Variants in KCNAB1 observed in about 807,000 individuals in gnomAD.
The protein encoded by KCNAB1 is potassium voltage-gated channel subfamily A regulatory beta subunit 1.
KCNAB1 carries 35 observed loss-of-function variants against 64.6 expected under a neutral mutation model. The ratio of observed to expected loss-of-function variants is 0.54; its 90% CI spans 0.41 to 0.72. The LOEUF is 0.72. KCNAB1 is among the 30% of genes least tolerant of loss of function. The pLI, the probability that KCNAB1 is intolerant of heterozygous loss-of-function variation, is 0.00. For missense variants in KCNAB1, 401 were observed against 512.9 expected, an observed-to-expected ratio of 0.78 and a Z score of 2.11; for synonymous variants, 177 against 183.8, an observed-to-expected ratio of 0.96 and a Z score of 0.30.
At chr3:156,317,664 C>G (rs548029900) in intron 1 of KCNAB1, among the ~76,000 whole-genome samples, 1 of 152,140 alleles carries the variant, frequency 6.6e-6, no homozygotes, top group African/African-American at 2.4e-5. Flanking sequence ...AGCAAAAGAG[C>G]AGGAAAAGGC....
At chr3:156,498,072 A>C (rs981262273) in intron 8 of KCNAB1, among the ~76,000 whole-genome samples, 6 of 152,214 alleles carry the variant, frequency 3.9e-5, no homozygotes, top group African/African-American at 1.4e-4. Context: ...AAATTGAAGC[A>C]AGTCAAACAT....
Position 156,452,484 on chromosome 3 carries a change from G to A in KCNAB1, c.320-415G>A, listed in dbSNP as rs913263264. ...GAATAAAAAATACAGCCACTATTTG[G>A]AGGCAAAGAAGGGGAGAACTATAAC... On this transcript the variant is annotated intron_variant, in intron 2 of 13. Transcript: ENST00000490337. This position sits in a 1 kb window ranked among gnomAD's most constrained non-coding sequence, Gnocchi z 4.6. Among the ~76,000 whole-genome samples the A allele has an allele frequency of 6.6e-6, 1 of 152,226 alleles. No homozygotes were observed. The highest frequency in any genetic ancestry group is 2.4e-5 in the African/African-American group (1 of 41,462).
At chr3:156,323,057 C>A (rs1323336162) in intron 1 of KCNAB1, among the ~76,000 whole-genome samples, 1 of 152,202 alleles carries the variant, frequency 6.6e-6, no homozygotes, top group Admixed American at 6.5e-5. Flanking sequence ...CACCTTTCTA[C>A]TAGCATCCGC....
At chr3:156,266,948 C>A (rs1403532038) in intron 1 of KCNAB1, among the ~76,000 whole-genome samples, 2 of 152,054 alleles carry the variant, frequency 1.3e-5, no homozygotes, top group African/African-American at 4.8e-5. Context: ...CCTACAGGCT[C>A]CCCATTACAG....
intron 1 of KCNAB1, among the ~76,000 whole-genome samples, chr3:156,313,789 G>A (rs1263663621): frequency 6.6e-6 from 1 of 152,216 alleles, no homozygotes; most frequent in Admixed American, 6.5e-5. Context: ...AGCAGCAATA[G>A]GAAATTAATA....
At chr3:156,228,499 C>T (rs998201071) in intron 1 of KCNAB1, among the ~76,000 whole-genome samples, 3 of 152,180 alleles carry the variant, frequency 2.0e-5, no homozygotes, top group South Asian at 2.1e-4. Flanking sequence ...CTTCACACAG[C>T]GTCTGCTGTT....
At chr3:156,295,512 G>A (rs1344864108) in intron 1 of KCNAB1, among the ~76,000 whole-genome samples, 9 of 152,084 alleles carry the variant, frequency 5.9e-5, no homozygotes, top group Non-Finnish European at 4.4e-5. Context: ...AATGCTTAAA[G>A]GCACTATTAT....
chr3:156,493,477 A>T (rs923802986), intron 8 of KCNAB1, among the ~76,000 whole-genome samples: 1 of 152,144 alleles, frequency 6.6e-6, no homozygotes. Context: ...ATAAAAAGTA[A>T]GGAAAATAGT....
intron 1 of KCNAB1, among the ~76,000 whole-genome samples, chr3:156,149,219 T>C (rs1475523291): frequency 6.6e-6 from 1 of 151,980 alleles, no homozygotes; most frequent in East Asian, 1.9e-4. Flanking sequence ...GTGGCCACGC[T>C]AATCTAAGCT....
intron 1 of KCNAB1, among the ~76,000 whole-genome samples, chr3:156,380,916 C>A (rs1031422987): frequency 2.6e-5 from 4 of 151,890 alleles, no homozygotes; most frequent in Non-Finnish European, 5.9e-5. Context: ...AGAAGAGAGC[C>A]ATAAACAAAG....
At chr3:156,322,652 G>A (rs1273550807) in intron 1 of KCNAB1, among the ~76,000 whole-genome samples, 1 of 152,132 alleles carries the variant, frequency 6.6e-6, no homozygotes, top group Non-Finnish European at 1.5e-5. Flanking sequence ...TAGTGATGCA[G>A]GTCAATAGGA....
At chr3:156,258,910 A>T (rs1316374549) in intron 1 of KCNAB1, among the ~76,000 whole-genome samples, 1 of 152,216 alleles carries the variant, frequency 6.6e-6, no homozygotes, top group Non-Finnish European at 1.5e-5. Flanking sequence ...TAGAATGGCA[A>T]ATCCCCCTCT....
At chr3:156,173,354 G>A (rs1278996814) in intron 1 of KCNAB1, among the ~76,000 whole-genome samples, 1 of 152,038 alleles carries the variant, frequency 6.6e-6, no homozygotes, top group African/African-American at 2.4e-5. Flanking sequence ...GGGAAGAAGA[G>A]GGTCTAAAAA....
intron 12 of KCNAB1, among the ~76,000 whole-genome samples, chr3:156,529,069 G>A (rs143381186): frequency 6.6e-6 from 1 of 152,158 alleles, no homozygotes; most frequent in East Asian, 1.9e-4. Flanking sequence ...AGGAGGAGAA[G>A]ACAGCTGAAC....
chr3:156,356,145 GAAAAGA>G (rs1725222570), intron 1 of KCNAB1, among the ~76,000 whole-genome samples: 2 of 143,018 alleles, frequency 1.4e-5, no homozygotes, highest in South Asian at 4.4e-4. Context: ...AGAAAGAAAA[GAAAAGA>G]AAGAGAGAGA....
chr3:156,140,175 T>C (rs1714623637), intron 1 of KCNAB1, among the ~76,000 whole-genome samples: 1 of 152,236 alleles, frequency 6.6e-6, no homozygotes, highest in Non-Finnish European at 1.5e-5. Context: ...GGACACTAAG[T>C]ATCCAGCTGC....
chr3:156,284,271 G>T (rs1446163826), intron 1 of KCNAB1, among the ~76,000 whole-genome samples: 1 of 152,130 alleles, frequency 6.6e-6, no homozygotes, highest in Non-Finnish European at 1.5e-5. Context: ...CTTCCAGTTA[G>T]GCTGCTCAGG....
At chr3:156,154,451 A>C (rs747575517) in intron 1 of KCNAB1, among the ~76,000 whole-genome samples, 27 of 152,044 alleles carry the variant, frequency 1.8e-4, no homozygotes, top group Non-Finnish European at 3.7e-4. Context: ...CCTCCGAACT[A>C]TGGGGGACAA....
At chr3:156,473,236 A>T (rs1041847582) in intron 7 of KCNAB1, among the ~76,000 whole-genome samples, 2 of 152,176 alleles carry the variant, frequency 1.3e-5, no homozygotes, top group African/African-American at 4.8e-5. Flanking sequence ...GCAATTCTGA[A>T]GGTGTCAGTA....
Sources: gnomAD v4.1 joint callset for allele counts (sites outside exome capture counted in the v4.1 genomes callset) on GRCh38, gnomAD v4.1.1 for gene constraint, Gnocchi (gnomAD v3.1) non-coding constraint, MANE v1.5 for transcripts, NCBI Gene and HGNC (gene_info 2026-07-23, HGNC 2026-07-21) for gene names.